PCDHGA4: variants seen among roughly 807,000 people sequenced by gnomAD.
PCDHGA4 encodes protocadherin gamma subfamily A, 4, also known as protocadherin gamma-A4.
Under a neutral mutation model 54.6 loss-of-function variants are expected in PCDHGA4, and 38 were observed. The ratio of observed to expected loss-of-function variants is 0.70; its 90% CI spans 0.54 to 0.91. The LOEUF is 0.91. Among genes scored for constraint, PCDHGA4 ranks in the 40% least tolerant of loss-of-function variants. The probability of loss-of-function intolerance (pLI) is 0.00; values close to 1 mark genes in which losing one functional copy is unlikely to be tolerated. For synonymous variants in PCDHGA4, 511 were observed against 512.9 expected, an observed-to-expected ratio of 1.00 and a Z score of 0.05; for missense variants, 1,298 against 1,220.9, an observed-to-expected ratio of 1.06 and a Z score of -0.94.
At chr5:141,375,324 A>G in intron 1 of PCDHGA4, 2 of 1,613,806 alleles carry the variant, frequency 1.2e-6, no homozygotes, top group Non-Finnish European at 1.7e-6. Flanking sequence ...GACCGGGAAG[A>G]GGTATTCTTG....
intron 1 of PCDHGA4, chr5:141,423,421 G>A (rs772863950): frequency 1.2e-6 from 2 of 1,614,080 alleles, no homozygotes; most frequent in Non-Finnish European, 1.7e-6. Flanking sequence ...TTCTGAAGGC[G>A]GGTTGGCAGG....
At chr5:141,361,332 G>C (rs544332613) in intron 1 of PCDHGA4, 1 of 1,613,934 alleles carries the variant, frequency 6.2e-7, no homozygotes, top group African/African-American at 1.3e-5. Context: ...CTTCCTCAAA[G>C]AACTATTACA....
intron 2 of PCDHGA4, among the ~76,000 whole-genome samples, chr5:141,504,960 T>C (rs9324851): frequency 0.59 from 89,328 of 151,916 alleles, 27,885 homozygotes; most frequent in African/African-American, 0.8. Context: ...TTCAATGCAT[T>C]GGACCAGCCT....
intron 1 of PCDHGA4, chr5:141,409,449 C>A (rs1317609642): frequency 6.2e-7 from 1 of 1,613,934 alleles, no homozygotes; most frequent in South Asian, 1.1e-5. Flanking sequence ...GAGCAGACAC[C>A]AGAATACAAT....
intron 1 of PCDHGA4, among the ~76,000 whole-genome samples, chr5:141,461,983 C>T (rs1390320490): frequency 6.6e-6 from 1 of 152,192 alleles, no homozygotes. Flanking sequence ...GCCACCACGC[C>T]AGGCTAATTT....
chr5:141,428,344 G>T (rs970552377), intron 1 of PCDHGA4: 3 of 596,498 alleles, frequency 5.0e-6, no homozygotes, highest in Non-Finnish European at 6.1e-6. Flanking sequence ...CTTCTTCCTC[G>T]CAGTGATTTT....
intron 1 of PCDHGA4, chr5:141,376,286 A>T: frequency 6.2e-7 from 1 of 1,614,174 alleles, no homozygotes; most frequent in Non-Finnish European, 8.5e-7. Flanking sequence ...CTTAGCGAGC[A>T]TGCCCGGCTC....
At position 141,486,813 on chromosome 5, in the gene PCDHGA4, G is replaced by A; in HGVS notation, c.2515-7994G>A. On this transcript the variant is annotated intron_variant, in intron 1 of 3. Transcript: ENST00000571252. The surrounding 1 kb of genome is among the most constrained non-coding windows in gnomAD (Gnocchi z 5.0). ...GATCGGGGCAACCCACCCCTTAGCA[G>A]CACTGTAACAGTTCGTCTATTTGTG... The A allele has an allele frequency of 6.2e-7, 1 of 1,614,212 alleles. No individual in the cohort carries two copies.
At position 141,432,069 on chromosome 5, in the gene PCDHGA4, A is replaced by G. The variant is rs572724741; in HGVS notation, c.2515-62738A>G. On this transcript the variant is annotated intron_variant, in intron 1 of 3. Transcript: ENST00000571252. The surrounding 1 kb of genome is among the most constrained non-coding windows in gnomAD (Gnocchi z 6.0). ...ACCCCGCCCCTATCCACGGAAACTC[A>G]TATCTCGCTGAACGTGGCAGACACC... 646 of 1,614,168 alleles carry G rather than the reference A, an allele frequency of 4.0e-4. 5 individuals are homozygous for G. In the South Asian group the frequency reaches 6.9e-3, roughly 17 times the overall value.
chr5:141,377,940 A>G (rs112263014), intron 1 of PCDHGA4: 1 of 152,188 alleles, frequency 6.6e-6, no homozygotes, highest in Non-Finnish European at 1.5e-5. Context: ...TGCTGCTTAT[A>G]GAGTGTGTAT....
Position 141,491,874 on chromosome 5 carries a change from T to G in PCDHGA4, c.2515-2933T>G, listed in dbSNP as rs1160702024. On this transcript the variant is annotated intron_variant, in intron 1 of 3. Coordinates refer to ENST00000571252, the MANE Select transcript of PCDHGA4 (RefSeq NM_018917.4). The surrounding 1 kb of genome is among the most constrained non-coding windows in gnomAD (Gnocchi z 6.9). ...GTTTGCGCGAAACCAGAGTGGCCGA[T>G]TAAGGGATGGGGCTCCGAGCACCGG... 15 of 1,451,168 alleles carry G rather than the reference T, an allele frequency of 1.0e-5. No homozygotes were observed. The highest frequency in any genetic ancestry group is 1.4e-5 in the Non-Finnish European group (15 of 1,098,162). 89.9% of individuals were successfully genotyped at this position (1,451,168 alleles called of 1,614,324 possible). A position where few individuals can be genotyped will look rare whatever the true frequency, so the allele number is the denominator to read the frequency against.
At chr5:141,430,817 C>T (rs200369093) in intron 1 of PCDHGA4, 2 of 1,539,796 alleles carry the variant, frequency 1.3e-6, no homozygotes, top group Non-Finnish European at 1.7e-6. Flanking sequence ...GGGAATCCTC[C>T]TGGGGACTCT....
In PCDHGA4 at chr5:141,371,335, G is replaced by T. The variant is rs374653658; in HGVS notation, c.2514+13714G>T. 25 of 1,613,822 alleles carry T rather than the reference G, an allele frequency of 1.5e-5. No individual in the cohort carries two copies. In the African/African-American group the frequency reaches 3.2e-4, roughly 21 times the overall value. The stretch of plus-strand genomic sequence containing the variant: ...GAACTGGACTTTGAAGAGAGAGATA[G>T]CTACACAATTGGGGTGGAAGCAAAG... On this transcript the variant is annotated intron_variant, in intron 1 of 3. Coordinates refer to ENST00000571252, the MANE Select transcript of PCDHGA4 (RefSeq NM_018917.4).
intron 1 of PCDHGA4, chr5:141,426,432 C>A (rs1239073805): frequency 1.0e-5 from 3 of 295,812 alleles, no homozygotes; most frequent in South Asian, 3.3e-5. Flanking sequence ...TGGTGGGGAA[C>A]CTTGCGGAGG....
At chr5:141,413,444 C>T (rs2095641519) in intron 1 of PCDHGA4, 2 of 1,613,998 alleles carry the variant, frequency 1.2e-6, no homozygotes, top group Non-Finnish European at 1.7e-6. Context: ...AGCTTGATCA[C>T]CGCGGGCAGG....
chr5:141,393,007 G>A (rs1486010375), intron 1 of PCDHGA4: 3 of 1,613,850 alleles, frequency 1.9e-6, no homozygotes, highest in East Asian at 2.2e-5. Context: ...CACGGAGTCC[G>A]TATCGTCTCC....
intron 1 of PCDHGA4, chr5:141,403,862 G>A (rs1370445288): frequency 1.2e-6 from 2 of 1,613,508 alleles, no homozygotes; most frequent in East Asian, 2.2e-5. Flanking sequence ...AATATCAACA[G>A]CAAAAAGTCT....
intron 1 of PCDHGA4, chr5:141,367,126 T>C (rs1038047852): frequency 3.8e-5 from 8 of 211,274 alleles, no homozygotes; most frequent in Non-Finnish European, 6.6e-5. Context: ...AGTGAATGTG[T>C]TTTGGAAAGG....
At position 141,400,239 on chromosome 5, in the gene PCDHGA4, T is replaced by G. The variant is rs1306520918; in HGVS notation, c.2514+42618T>G. Reference sequence around the variant, plus strand: ...CAGTGCTCTTCCTCCTGGCCGTGATTCTGGCCGTTGCCTTGCGCCTGCGAC... The same window carrying G: ...CAGTGCTCTTCCTCCTGGCCGTGATGCTGGCCGTTGCCTTGCGCCTGCGAC... On this transcript the variant is annotated intron_variant, in intron 1 of 3. Coordinates refer to ENST00000571252, the MANE Select transcript of PCDHGA4 (RefSeq NM_018917.4). 1.9e-6 allele frequency: 3 copies of G among 1,614,054 alleles called. No individual in the cohort carries two copies. The highest frequency in any genetic ancestry group is 2.2e-5 in the East Asian group (1 of 44,880).
Sources: allele counts gnomAD v4.1 joint callset (sites outside exome capture counted in the v4.1 genomes callset), GRCh38; gene constraint gnomAD v4.1.1; non-coding constraint Gnocchi (gnomAD v3.1); transcripts MANE v1.5; gene names NCBI Gene and HGNC (gene_info 2026-07-23, HGNC 2026-07-21).